The following WDR3 variants were observed in gnomAD, a reference collection of about 807,000 sequenced individuals.
WDR3 encodes WD repeat-containing protein 3.
WDR3 carries 81 observed loss-of-function variants against 123.7 expected under a neutral mutation model. That is an observed-to-expected ratio of 0.65 (90% CI 0.55 to 0.79). WDR3 has a LOEUF of 0.79. Among genes scored for constraint, WDR3 ranks in the 30% least tolerant of loss-of-function variants. WDR3 has a pLI of 0.00. For synonymous variants in WDR3, 390 were observed against 388.8 expected (o/e 1.00, Z -0.04); for missense variants, 1,027 against 1,123.2 (o/e 0.91, Z 1.22).
intron 4 of WDR3, 116 bp downstream of exon 4, chr1:117,937,003 C>T (rs992384742): frequency 3.4e-5 from 25 of 726,126 alleles, no homozygotes; most frequent in Non-Finnish European, 5.5e-5. Flanking sequence ...GTTTTCTCTC[C>T]TGTTCTCCTG....
rs756885991 is a variant in WDR3 at position 117,954,646 on chromosome 1, G to A, written c.2409+19G>A. ...TATCTCAGTGAGTAAAATGTCTAACGGTTTTCCTTTGTTTATTAAAAGGTT... is the reference window on the plus strand; with the variant it reads ...TATCTCAGTGAGTAAAATGTCTAACAGTTTTCCTTTGTTTATTAAAAGGTT... On this transcript the variant is annotated intron_variant, in intron 23 of 26. Transcript: ENST00000349139. 8.7e-6 allele frequency: 14 copies of A among 1,608,242 alleles called. No individual in the cohort carries two copies. The East Asian group carries it at 8.9e-5, about 10-fold the overall frequency.
chr1:117,938,771 GTGGTT>G (rs1364146276), intron 5 of WDR3, among the ~76,000 whole-genome samples: 2 of 152,150 alleles, frequency 1.3e-5, no homozygotes, highest in Non-Finnish European at 2.9e-5. Flanking sequence ...TTGGCCTTGC[GTGGTT>G]TTTAATTCCT....
intron 19 of WDR3, 103 bp downstream of exon 19, chr1:117,952,765 G>A (rs2101223861): frequency 1.3e-6 from 2 of 1,492,206 alleles, no homozygotes; most frequent in African/African-American, 2.8e-5. Flanking sequence ...GCATTGCCAA[G>A]TCCAAGAACC....
At position 117,964,236 on chromosome 1, in the gene WDR3, C is replaced by CT. The variant is rs373131863; in HGVS notation, c.*4806dup. The CT allele has an allele frequency of 0.039, 5,172 of 131,698 alleles. 215 individuals are homozygous for CT. The highest frequency in any genetic ancestry group is 0.11 in the African/African-American group (3,840 of 33,850). The allele number at this position is 131,698 out of a possible 1,614,324, so 8.2% of individuals were successfully genotyped here. A position where few individuals can be genotyped will look rare whatever the true frequency, so the allele number is the denominator to read the frequency against. On this transcript the variant is annotated 3_prime_UTR_variant, in exon 27 of 27. Coordinates refer to ENST00000349139, the MANE Select transcript of WDR3 (RefSeq NM_006784.3). ...AACCATATCTACATCAGATTTCATG[C>CT]TTTTTTTTTTTTTTTTTGGTGGGGA...
At chr1:117,933,032 TAAAAAAAAA>T (rs578170436) in intron 1 of WDR3, among the ~76,000 whole-genome samples, 1 of 92,860 alleles carries the variant, frequency 1.1e-5, no homozygotes, top group African/African-American at 3.9e-5. Flanking sequence ...CCATCTCTAC[TAAAAAAAAA>T]AAAAAAAAAA....
rs1321069120 is a variant in WDR3, at chr1:117,952,040, G to C, written c.1868G>C (p.Gly623Ala). The change falls in exon 17 of 27, where the codon GGG becomes GCG. Residue 623 changes from glycine (G) to alanine (A), a missense_variant. By Grantham distance (60) the Gly-to-Ala change is moderately conservative (BLOSUM62 0). Transcript: ENST00000349139. The part of the protein sequence containing the change: ...RNVKIWGLDF[G>A]DCHKSLFAHD... Reference sequence around the variant, plus strand: ...GTGAAAATCTGGGGTTTGGACTTTGGGGACTGCCACAAGTCTCTCTTTGCA... The same window carrying C: ...GTGAAAATCTGGGGTTTGGACTTTGCGGACTGCCACAAGTCTCTCTTTGCA... 1.9e-6 allele frequency: 3 copies of C among 1,613,268 alleles called. No individual in the cohort carries two copies. The African/African-American group carries it at 4.0e-5, about 22-fold the overall frequency.
At chr1:117,946,206 C>T (rs1257840659) in intron 12 of WDR3, 27 bp downstream of exon 12, 2 of 1,562,476 alleles carry the variant, frequency 1.3e-6, no homozygotes, top group Middle Eastern at 1.7e-4. Context: ...TCTGGGATAT[C>T]TGGATCTTTT....
chr1:117,958,782 TTG>T, intron 25 of WDR3, 126 bp from the exon 26 acceptor site: 7 of 594,926 alleles, frequency 1.2e-5, no homozygotes, highest in South Asian at 3.3e-5. Flanking sequence ...TTTTTTTTTT[TTG>T]CTCGAAACAT....
intron 1 of WDR3, among the ~76,000 whole-genome samples, chr1:117,931,682 G>A (rs1022563336): frequency 2.6e-5 from 4 of 152,162 alleles, no homozygotes; most frequent in Non-Finnish European, 5.9e-5. Context: ...TGTAGAAGGA[G>A]GTGGTAGATG....
chr1:117,960,564 G>T lies in WDR3; in HGVS notation c.*1117G>T, dbSNP rs1166171931. On this transcript the variant is annotated 3_prime_UTR_variant, in exon 27 of 27. Coordinates refer to ENST00000349139, the MANE Select transcript of WDR3 (RefSeq NM_006784.3). ...GTCATGACTTTTCTCTGCTTTTTGG[G>T]AGCACTGTGATATGCAGTTTACTGG... 1 of 152,178 alleles carries T rather than the reference G, an allele frequency of 6.6e-6. No individual in the cohort carries two copies. The highest frequency in any genetic ancestry group is 1.5e-5 in the Non-Finnish European group (1 of 68,048). 9.4% of individuals were successfully genotyped at this position (152,178 alleles called of 1,614,324 possible).
Position 117,963,694 on chromosome 1 carries a change from G to A in WDR3, c.*4247G>A. 9.4e-7 allele frequency: 1 copy of A among 1,058,970 alleles called. No individual in the cohort carries two copies. Among genetic ancestry groups the A allele is most frequent in the Non-Finnish European group, 1.3e-6 (1 of 744,700 alleles). The allele number at this position is 1,058,970 out of a possible 1,614,324, so 65.6% of individuals were successfully genotyped here. A position where few individuals can be genotyped will look rare whatever the true frequency, so the allele number is the denominator to read the frequency against. ...AAATATTTTCATTCATTCAGGCCAGGTGGCTTATAGGTTTCTGACTATAAG... is the reference window on the plus strand; with the variant it reads ...AAATATTTTCATTCATTCAGGCCAGATGGCTTATAGGTTTCTGACTATAAG... On this transcript the variant is annotated 3_prime_UTR_variant, in exon 27 of 27. Coordinates refer to ENST00000349139, the MANE Select transcript of WDR3 (RefSeq NM_006784.3).
intron 2 of WDR3, 65 bp downstream of exon 2, chr1:117,933,555 G>T (rs1650809662): frequency 1.3e-6 from 2 of 1,594,948 alleles, no homozygotes; most frequent in African/African-American, 1.4e-5. Flanking sequence ...GGTAGTAGAA[G>T]TGGGGGGGCT....
chr1:117,934,411 A>G lies in WDR3; in HGVS notation c.172-62A>G, dbSNP rs975370242. The G allele has an allele frequency of 1.8e-5, 27 of 1,534,662 alleles. No individual in the cohort carries two copies. The African/African-American group carries it at 1.9e-4, about 11-fold the overall frequency. On this transcript the variant is annotated intron_variant, in intron 2 of 26. Coordinates refer to ENST00000349139, the MANE Select transcript of WDR3 (RefSeq NM_006784.3). Reference sequence around the variant, plus strand: ...AATTTTACTGTGCCTGAGTATTCCTATGCTTTTCCCTTGAGTTCATGCTTA... The same window carrying G: ...AATTTTACTGTGCCTGAGTATTCCTGTGCTTTTCCCTTGAGTTCATGCTTA...
chr1:117,938,596 A>G, intron 5 of WDR3, 38 bp downstream of exon 5: 1 of 1,579,986 alleles, frequency 6.3e-7, no homozygotes. Flanking sequence ...AATAATGGGA[A>G]GGCAAAAGGG....
chr1:117,952,838 C>T, intron 19 of WDR3, 108 bp from the exon 20 acceptor site: 1 of 1,441,864 alleles, frequency 6.9e-7, no homozygotes. Flanking sequence ...ATAAAGATGC[C>T]ATTAGGGTAT....
chr1:117,942,002 C>T (rs777093849), intron 9 of WDR3, among the ~76,000 whole-genome samples, 155 bp downstream of exon 9: 26 of 152,134 alleles, frequency 1.7e-4, no homozygotes, highest in Non-Finnish European at 3.4e-4. Flanking sequence ...TTTGTCAAGT[C>T]TCAGAGAGAC....
At chr1:117,957,295 T>C in intron 25 of WDR3, 99 bp downstream of exon 25, 1 of 1,409,276 alleles carries the variant, frequency 7.1e-7, no homozygotes, top group Non-Finnish European at 9.4e-7. Flanking sequence ...AGAAATAGTA[T>C]GCCGAACTCG....
At chr1:117,952,151 T>G in intron 17 of WDR3, 75 bp downstream of exon 17, 1 of 1,530,496 alleles carries the variant, frequency 6.5e-7, no homozygotes, top group East Asian at 2.3e-5. Flanking sequence ...TCTGTGTCTA[T>G]TTTTCAGTGT....
chr1:117,937,465 G>A (rs1270634322), intron 4 of WDR3, among the ~76,000 whole-genome samples: 1 of 152,160 alleles, frequency 6.6e-6, no homozygotes, highest in African/African-American at 2.4e-5. Flanking sequence ...AGGAACCATA[G>A]TAATGACTCA....
Sources: gnomAD v4.1 joint callset for allele counts (sites outside exome capture counted in the v4.1 genomes callset) on GRCh38, gnomAD v4.1.1 for gene constraint, MANE v1.5 for transcripts, NCBI Gene and HGNC (gene_info 2026-07-23, HGNC 2026-07-21) for gene names.